The following ZFPM1 variants were observed in gnomAD, a reference collection of about 807,000 sequenced individuals.
ZFPM1 encodes the protein zinc finger protein, FOG family member 1.
ZFPM1 carries 28 observed loss-of-function variants against 46.3 expected under a neutral mutation model. The ratio of observed to expected loss-of-function variants is 0.60; its 90% CI spans 0.45 to 0.83. The LOEUF (loss-of-function observed/expected upper bound fraction) is 0.83. Among genes scored for constraint, ZFPM1 ranks in the 40% least tolerant of loss-of-function variants. The pLI, the probability that ZFPM1 is intolerant of heterozygous loss-of-function variation, is 0.00. For synonymous variants in ZFPM1, 957 were observed against 675.9 expected (o/e 1.42, Z -6.45); for missense variants, 1,878 against 1,432.4 (o/e 1.31, Z -5.02).
intron 6 of ZFPM1, 138 bp downstream of exon 6, chr16:88,528,376 A>T (rs554012570): frequency 3.0e-4 from 316 of 1,041,800 alleles, no homozygotes; most frequent in South Asian, 4.3e-4. Flanking sequence ...GCAGGGAAGG[A>T]GGTGACGTGG....
chr16:88,456,583 C>T (rs373553976), intron 1 of ZFPM1, among the ~76,000 whole-genome samples: 3 of 152,026 alleles, frequency 2.0e-5, no homozygotes, highest in African/African-American at 7.2e-5. Context: ...GCAGGGGGCA[C>T]GTCAGGTGGT....
At chr16:88,507,849 T>A (rs1326195235) in intron 3 of ZFPM1, among the ~76,000 whole-genome samples, 3 of 152,070 alleles carry the variant, frequency 2.0e-5, no homozygotes, top group Admixed American at 6.5e-5. Context: ...CCCACAGCCC[T>A]CCTGGGAGGA....
chr16:88,520,942 T>A (rs1911827689), intron 4 of ZFPM1, among the ~76,000 whole-genome samples: 1 of 88,326 alleles, frequency 1.1e-5, no homozygotes, highest in African/African-American at 4.6e-5. Flanking sequence ...GGTGGATGAT[T>A]AGGTGGGTGG....
chr16:88,511,772 C>T (rs1910976988), intron 3 of ZFPM1, among the ~76,000 whole-genome samples: 1 of 152,212 alleles, frequency 6.6e-6, no homozygotes, highest in Admixed American at 6.5e-5. Context: ...CACAAGGGCA[C>T]CTGGGGTGAG....
intron 1 of ZFPM1, among the ~76,000 whole-genome samples, chr16:88,457,637 CTTT>C (rs1039873898): frequency 6.7e-6 from 1 of 150,354 alleles, no homozygotes; most frequent in African/African-American, 2.4e-5. Flanking sequence ...CTTTCTCTCT[CTTT>C]TTTTTTTCCT....
At chr16:88,501,388 GC>G (rs1910299224) in intron 3 of ZFPM1, among the ~76,000 whole-genome samples, 1 of 131,418 alleles carries the variant, frequency 7.6e-6, no homozygotes, top group African/African-American at 2.9e-5. Flanking sequence ...TGGGTGCGGG[GC>G]CCTCCCGCAG....
intron 3 of ZFPM1, among the ~76,000 whole-genome samples, chr16:88,496,742 T>C (rs529396405): frequency 1.1e-4 from 17 of 152,160 alleles, no homozygotes; most frequent in African/African-American, 4.1e-4. Flanking sequence ...GCACTGGTCA[T>C]GTACACGGGG....
intron 1 of ZFPM1, 60 bp downstream of exon 1, chr16:88,453,738 G>T (rs1369580569): frequency 3.9e-6 from 4 of 1,034,770 alleles, no homozygotes; most frequent in African/African-American, 1.7e-5. Flanking sequence ...GAGCCCAGCC[G>T]CCAGCGCCGC....
chr16:88,457,890 T>C (rs4782366), intron 1 of ZFPM1, among the ~76,000 whole-genome samples: 76,123 of 151,758 alleles, frequency 0.5, 19,726 homozygotes, highest in African/African-American at 0.64. Flanking sequence ...GACCCCGGAG[T>C]CCACGCCGTC....
intron 1 of ZFPM1, among the ~76,000 whole-genome samples, chr16:88,466,014 G>T (rs1018737763): frequency 3.9e-5 from 6 of 152,210 alleles, no homozygotes; most frequent in African/African-American, 1.4e-4. Context: ...TTGAGGCAGT[G>T]GCCCGGCCGC....
upstream of ZFPM1, among the ~76,000 whole-genome samples, chr16:88,452,557 C>T (rs186667520): frequency 2.0e-5 from 3 of 152,388 alleles, no homozygotes; most frequent in Admixed American, 2.0e-4. Flanking sequence ...GCGGACCCCA[C>T]CGCAGTCTGG....
Position 88,534,452 on chromosome 16 carries a change from T to C in ZFPM1, c.2494T>C (p.Tyr832His). The C allele has an allele frequency of 6.7e-7, 1 of 1,495,010 alleles. No homozygotes were observed. Among genetic ancestry groups the C allele is most frequent in the Admixed American group, 2.1e-5 (1 of 47,302 alleles). The allele number at this position is 1,495,010 out of a possible 1,614,324, so 92.6% of individuals were successfully genotyped here. A position where few individuals can be genotyped will look rare whatever the true frequency, so the allele number is the denominator to read the frequency against. Residue 832 changes from tyrosine to histidine, a missense_variant, in exon 10 of 10, where the codon TAC becomes CAC. By Grantham distance (83) the Tyr-to-His change is moderately conservative (BLOSUM62 2). Transcript: ENST00000319555. ...CGTGAGCTTCCACAGCCTCGAGGCCTACCTGGCGCACAAGAAGTACTCGTG... is the reference window on the plus strand; with the variant it reads ...CGTGAGCTTCCACAGCCTCGAGGCCCACCTGGCGCACAAGAAGTACTCGTG... ...CRVSFHSLEA[Y>H]LAHKKYSCPA...
At chr16:88,452,375 G>A (rs910129013), upstream of ZFPM1, among the ~76,000 whole-genome samples, 1 of 152,206 alleles carries the variant, frequency 6.6e-6, no homozygotes, top group South Asian at 2.1e-4. Context: ...GCTGTGGCCC[G>A]GGCGCTGTGG....
intron 3 of ZFPM1, among the ~76,000 whole-genome samples, chr16:88,502,549 C>A (rs1406837796): frequency 6.6e-6 from 1 of 152,210 alleles, no homozygotes; most frequent in Non-Finnish European, 1.5e-5. Context: ...TGGGCTTGTC[C>A]CCAGCCTCCC....
intron 4 of ZFPM1, among the ~76,000 whole-genome samples, chr16:88,515,767 T>G (rs980600991): frequency 6.6e-6 from 1 of 152,200 alleles, no homozygotes; most frequent in African/African-American, 2.4e-5. Context: ...ACATTTCAGC[T>G]CCACCACAGG....
At chr16:88,500,201 G>A (rs1910173267) in intron 3 of ZFPM1, among the ~76,000 whole-genome samples, 1 of 150,850 alleles carries the variant, frequency 6.6e-6, no homozygotes, top group Admixed American at 6.6e-5. Context: ...CTCGGGGGCA[G>A]GCCCACCAGA....
At chr16:88,505,873 C>G (rs1448350069) in intron 3 of ZFPM1, among the ~76,000 whole-genome samples, 3 of 151,974 alleles carry the variant, frequency 2.0e-5, no homozygotes, top group Non-Finnish European at 2.9e-5. Context: ...GCCGGCAGGG[C>G]CCCCCCATGG....
chr16:88,533,637 C>A lies in ZFPM1; in HGVS notation c.1679C>A (p.Ala560Glu), dbSNP rs759602379. The change falls in exon 10 of 10, where the codon GCG becomes GAG. Residue 560 changes from alanine to glutamate, a missense_variant. By Grantham distance (107) the Ala-to-Glu change is moderately radical. Coordinates refer to ENST00000319555, the MANE Select transcript of ZFPM1 (RefSeq NM_153813.3). ...AGCCGGCTGCAGCAGGGCGCGGGCGCGGGCGCCGGCGGCGCGCAGACCGGG... is the reference window on the plus strand; with the variant it reads ...AGCCGGCTGCAGCAGGGCGCGGGCGAGGGCGCCGGCGGCGCGCAGACCGGG... ...VHSRLQQGAG[A>E]GAGGAQTGLF... 5 of 1,458,976 alleles carry A rather than the reference C, an allele frequency of 3.4e-6. No homozygotes were observed. The South Asian group carries it at 3.9e-5, about 11-fold the overall frequency. The allele number at this position is 1,458,976 out of a possible 1,614,324, so 90.4% of individuals were successfully genotyped here. A position where few individuals can be genotyped will look rare whatever the true frequency, so the allele number is the denominator to read the frequency against.
At position 88,497,080 on chromosome 16, in the gene ZFPM1, T is replaced by C. The variant is rs547714417; in HGVS notation, c.268+7927T>C. ...ACCTGGAGCTCTCCCAGGACCACTATGGACAAGGTGAATTCCAGCTGATCA... is the reference window on the plus strand; with the variant it reads ...ACCTGGAGCTCTCCCAGGACCACTACGGACAAGGTGAATTCCAGCTGATCA... On this transcript the variant is annotated intron_variant, in intron 3 of 9. Transcript: ENST00000319555. This position sits in a 1 kb window ranked among gnomAD's most constrained non-coding sequence, Gnocchi z 5.4. 2.8e-4 allele frequency among the ~76,000 whole-genome samples: 42 copies of C among 152,224 alleles called. No individual in the cohort carries two copies. The highest frequency in any genetic ancestry group is 5.1e-4 in the Non-Finnish European group (35 of 68,034).
Sources: gnomAD v4.1 joint callset for allele counts (sites outside exome capture counted in the v4.1 genomes callset) on GRCh38, gnomAD v4.1.1 for gene constraint, Gnocchi (gnomAD v3.1) non-coding constraint, MANE v1.5 for transcripts, NCBI Gene and HGNC (gene_info 2026-07-23, HGNC 2026-07-21) for gene names.